The following EYS variants were observed in gnomAD, a reference collection of about 807,000 sequenced individuals.
The protein encoded by EYS is EGF-like photoreceptor maintenance factor.
Under a neutral mutation model 282.1 loss-of-function variants are expected in EYS, and 250 were observed. The observed-to-expected ratio is 0.89, with a 90% confidence interval of 0.80 to 0.98. The LOEUF is 0.98. Among genes scored for constraint, EYS ranks in the 50% least tolerant of loss-of-function variants. The pLI is 0.00. For missense variants in EYS, 4,016 were observed against 3,709.0 expected (o/e 1.08, Z -2.15); for synonymous variants, 1,355 against 1,282.9 (o/e 1.06, Z -1.20).
At chr6:65,432,103 T>C (rs752008190) in intron 5 of EYS, among the ~76,000 whole-genome samples, 3 of 152,146 alleles carry the variant, frequency 2.0e-5, no homozygotes, top group Non-Finnish European at 4.4e-5. Flanking sequence ...AAGATAAATA[T>C]TACTCATATT....
At chr6:64,841,649 G>A (rs985184825) in intron 19 of EYS, among the ~76,000 whole-genome samples, 2 of 152,120 alleles carry the variant, frequency 1.3e-5, no homozygotes, top group African/African-American at 4.8e-5. Flanking sequence ...GAAGTGATAT[G>A]CTGGGTCCAG....
At chr6:64,741,905 T>C (rs932928679) in intron 22 of EYS, among the ~76,000 whole-genome samples, 4 of 152,190 alleles carry the variant, frequency 2.6e-5, no homozygotes, top group Non-Finnish European at 4.4e-5. Flanking sequence ...ACTTTCTTCC[T>C]AGGAGCAATG....
At chr6:64,460,329 G>T (rs1235884019) in intron 26 of EYS, among the ~76,000 whole-genome samples, 3 of 152,282 alleles carry the variant, frequency 2.0e-5, no homozygotes, top group African/African-American at 7.2e-5. Flanking sequence ...AGATCTAAAA[G>T]TTGATCACTG....
At chr6:65,048,960 G>A (rs1773186950) in intron 13 of EYS, among the ~76,000 whole-genome samples, 1 of 151,628 alleles carries the variant, frequency 6.6e-6, no homozygotes, top group Non-Finnish European at 1.5e-5. Context: ...TTTCTTTCCA[G>A]TGTGCCATAA....
intron 26 of EYS, among the ~76,000 whole-genome samples, chr6:64,481,529 C>T (rs1437468309): frequency 6.6e-6 from 1 of 150,694 alleles, no homozygotes; most frequent in Non-Finnish European, 1.5e-5. Flanking sequence ...CACACACACA[C>T]ATACACATAT....
intron 35 of EYS, among the ~76,000 whole-genome samples, chr6:63,979,819 A>T (rs78486593): frequency 1.2e-3 from 185 of 152,020 alleles, no homozygotes; most frequent in African/African-American, 4.3e-3. Flanking sequence ...GGGGTTTGAA[A>T]ATTCTAGTAC....
intron 40 of EYS, among the ~76,000 whole-genome samples, chr6:63,764,109 A>G (rs1769723437): frequency 6.6e-6 from 1 of 151,686 alleles, no homozygotes; most frequent in Non-Finnish European, 1.5e-5. Context: ...TCAGAGCCAG[A>G]GAGCAATAAA....
intron 33 of EYS, among the ~76,000 whole-genome samples, chr6:64,054,408 CTGTT>C (rs764706661): frequency 1.6e-4 from 24 of 152,194 alleles, no homozygotes; most frequent in Non-Finnish European, 3.2e-4. Context: ...ATGTAGGACT[CTGTT>C]TGGGACAGTA....
At chr6:65,602,038 T>C (rs1166387681) in intron 2 of EYS, among the ~76,000 whole-genome samples, 1 of 151,904 alleles carries the variant, frequency 6.6e-6, no homozygotes, top group Non-Finnish European at 1.5e-5. Context: ...AATTTCTCAT[T>C]GGTCTGGGTC....
At chr6:64,936,941 A>G (rs1040135394) in intron 15 of EYS, among the ~76,000 whole-genome samples, 2 of 151,474 alleles carry the variant, frequency 1.3e-5, no homozygotes, top group African/African-American at 4.8e-5. Flanking sequence ...AAGCTACAAT[A>G]AGAGGGTGTG....
At chr6:64,204,607 T>C (rs546127958) in intron 31 of EYS, among the ~76,000 whole-genome samples, 6 of 152,254 alleles carry the variant, frequency 3.9e-5, no homozygotes, top group Admixed American at 3.9e-4. Flanking sequence ...ATACACACTA[T>C]ATAGTAGTTT....
chr6:64,338,818 G>C (rs144512215), intron 29 of EYS, among the ~76,000 whole-genome samples: 1 of 151,884 alleles, frequency 6.6e-6, no homozygotes, highest in African/African-American at 2.4e-5. Flanking sequence ...AGACAACCCA[G>C]AAATAAACTC....
intron 33 of EYS, among the ~76,000 whole-genome samples, chr6:64,009,735 C>T (rs1026090258): frequency 1.3e-5 from 2 of 152,004 alleles, no homozygotes; most frequent in African/African-American, 4.8e-5. Flanking sequence ...GTCATTTCAG[C>T]CATTTAGGCC....
At position 63,873,432 on chromosome 6, in the gene EYS, T is replaced by C. The variant is rs568195747; in HGVS notation, c.7056-9074A>G. 3.9e-5 allele frequency among the ~76,000 whole-genome samples: 6 copies of C among 152,332 alleles called. No homozygotes were observed. In the South Asian group the frequency reaches 1.2e-3, roughly 32 times the overall value. ...GGACATTTGGGTTGGTTCCAAGTCTTTGCTATTGTGAATAGTGCTGAAATA... is the reference window on the plus strand; with the variant it reads ...GGACATTTGGGTTGGTTCCAAGTCTCTGCTATTGTGAATAGTGCTGAAATA... On this transcript the variant is annotated intron_variant, in intron 35 of 42. Transcript: ENST00000503581.
At chr6:63,762,340 G>A (rs1562014163) in intron 41 of EYS, 121 bp downstream of exon 41, 2 of 886,194 alleles carry the variant, frequency 2.3e-6, no homozygotes, top group Non-Finnish European at 3.4e-6. Flanking sequence ...TAGAAAAAGA[G>A]GACAGTGGAT....
chr6:64,032,568 C>A (rs1769904317), intron 33 of EYS, among the ~76,000 whole-genome samples: 1 of 152,142 alleles, frequency 6.6e-6, no homozygotes, highest in Admixed American at 6.5e-5. Flanking sequence ...AGGGCTCAGG[C>A]CCACAAGACT....
At chr6:64,845,626 G>C (rs1300297919) in intron 19 of EYS, among the ~76,000 whole-genome samples, 1 of 151,758 alleles carries the variant, frequency 6.6e-6, no homozygotes, top group East Asian at 1.9e-4. Flanking sequence ...TCCACATCCT[G>C]TCTATACAGG....
At chr6:64,645,219 C>T (rs190605221) in intron 22 of EYS, among the ~76,000 whole-genome samples, 1 of 152,290 alleles carries the variant, frequency 6.6e-6, no homozygotes, top group Non-Finnish European at 1.5e-5. Context: ...ATGAACACAT[C>T]ATTATCCGAG....
chr6:65,322,051 G>A (rs1285705651), intron 11 of EYS, among the ~76,000 whole-genome samples: 1 of 152,162 alleles, frequency 6.6e-6, no homozygotes, highest in Non-Finnish European at 1.5e-5. Flanking sequence ...TGGCAAGGCA[G>A]AGAAAAGAGA....
Sources: allele counts gnomAD v4.1 joint callset (sites outside exome capture counted in the v4.1 genomes callset), GRCh38; gene constraint gnomAD v4.1.1; transcripts MANE v1.5; gene names NCBI Gene and HGNC (gene_info 2026-07-23, HGNC 2026-07-21).